Variants in ABTB3 observed in about 807,000 individuals in gnomAD.
ABTB3 encodes ankyrin repeat- and BTB/POZ domain-containing protein 3.
the ABTB3 span, among the ~76,000 whole-genome samples, chr12:107,353,863 A>C: frequency 6.6e-6 from 1 of 152,156 alleles, no homozygotes. Context: ...GAGGTGGAGC[A>C]GTTTCATCCT....
At chr12:107,437,899 A>G in the ABTB3 span, among the ~76,000 whole-genome samples, 1 of 152,000 alleles carries the variant, frequency 6.6e-6, no homozygotes, top group African/African-American at 2.4e-5. Flanking sequence ...TCAACCTATT[A>G]TAGTGGGTAT....
At chr12:107,330,307 G>T in the ABTB3 span, among the ~76,000 whole-genome samples, 3 of 152,164 alleles carry the variant, frequency 2.0e-5, no homozygotes, top group East Asian at 5.8e-4. Context: ...GTTCTAAAAA[G>T]ATCATGTTGG....
At chr12:107,473,696 C>T in the ABTB3 span, among the ~76,000 whole-genome samples, 2 of 152,066 alleles carry the variant, frequency 1.3e-5, no homozygotes, top group African/African-American at 4.8e-5. Context: ...TTTTGCTCGA[C>T]ATATTTGTTT....
the ABTB3 span, among the ~76,000 whole-genome samples, chr12:107,497,961 A>G: frequency 3.9e-5 from 6 of 152,096 alleles, no homozygotes; most frequent in African/African-American, 1.2e-4. Context: ...GAGGGCATTG[A>G]GTCTGAGGCA....
chr12:107,389,880 G>GTGTGTA, the ABTB3 span, among the ~76,000 whole-genome samples: 89 of 134,752 alleles, frequency 6.6e-4, no homozygotes, highest in African/African-American at 2.3e-3. Context: ...GTGTGTGTGT[G>GTGTGTA]TGTATGTATC....
chr12:107,320,192 TGAG>T, the ABTB3 span: 30 of 1,316,634 alleles, frequency 2.3e-5, no homozygotes, highest in Non-Finnish European at 2.9e-5. Flanking sequence ...CCCAAGCCGC[TGAG>T]GAGGCGGCCG....
At chr12:107,432,412 C>T in the ABTB3 span, among the ~76,000 whole-genome samples, 3 of 152,342 alleles carry the variant, frequency 2.0e-5, no homozygotes, top group Non-Finnish European at 2.9e-5. Context: ...TCAGCTCCTT[C>T]GAAGAAACCA....
chr12:107,657,923 G>A, the ABTB3 span: 4 of 604,144 alleles, frequency 6.6e-6, no homozygotes, highest in African/African-American at 7.4e-5. Context: ...AGTTTAATGG[G>A]CAACTGGACA....
the ABTB3 span, among the ~76,000 whole-genome samples, chr12:107,643,211 G>A: frequency 6.6e-6 from 1 of 151,936 alleles, no homozygotes; most frequent in African/African-American, 2.4e-5. Context: ...TTCTAGACCA[G>A]CCTGAGCAAC....
the ABTB3 span, among the ~76,000 whole-genome samples, chr12:107,469,894 C>CTTTCTTTCT: frequency 9.5e-6 from 1 of 104,964 alleles, no homozygotes; most frequent in Admixed American, 9.1e-5. Flanking sequence ...TTCTTTCTTT[C>CTTTCTTTCT]TTTCTTTCTT....
At chr12:107,597,881 GT>G in the ABTB3 span, among the ~76,000 whole-genome samples, 1 of 152,146 alleles carries the variant, frequency 6.6e-6, no homozygotes, top group Non-Finnish European at 1.5e-5. Flanking sequence ...GTCACCTTCT[GT>G]TTTTTAAATA....
At chr12:107,319,183 C>T in the ABTB3 span, 2 of 1,596,746 alleles carry the variant, frequency 1.3e-6, no homozygotes, top group East Asian at 2.2e-5. Context: ...AGGGGCTGGA[C>T]TGCGCCGGCC....
the ABTB3 span, among the ~76,000 whole-genome samples, chr12:107,488,934 G>A: frequency 6.6e-6 from 1 of 152,046 alleles, no homozygotes; most frequent in Non-Finnish European, 1.5e-5. Flanking sequence ...GAGAACTTAC[G>A]AAAGAAGCAA....
the ABTB3 span, among the ~76,000 whole-genome samples, chr12:107,572,705 T>G: frequency 2.0e-5 from 3 of 152,148 alleles, no homozygotes; most frequent in African/African-American, 7.2e-5. Context: ...GATAAATGAT[T>G]GAGCCAAGTC....
the ABTB3 span, among the ~76,000 whole-genome samples, chr12:107,550,165 G>A: frequency 6.6e-6 from 1 of 152,134 alleles, no homozygotes; most frequent in Non-Finnish European, 1.5e-5. Context: ...CAGGCTTTGA[G>A]GCTATATAAC....
the ABTB3 span, among the ~76,000 whole-genome samples, chr12:107,335,771 G>A: frequency 6.6e-6 from 1 of 152,154 alleles, no homozygotes; most frequent in African/African-American, 2.4e-5. Flanking sequence ...AGCTGAATGA[G>A]GCTAGGCGAG....
chr12:107,409,838 A>G, the ABTB3 span, among the ~76,000 whole-genome samples: 3 of 152,226 alleles, frequency 2.0e-5, no homozygotes, highest in African/African-American at 7.2e-5. Context: ...CGTTCTGTAC[A>G]TGTATCCCAG....
chr12:107,583,115 T>C, the ABTB3 span, among the ~76,000 whole-genome samples: 1 of 152,114 alleles, frequency 6.6e-6, no homozygotes, highest in African/African-American at 2.4e-5. Context: ...AGTTTTCCCA[T>C]GAGTAATGTG....
the ABTB3 span, among the ~76,000 whole-genome samples, chr12:107,350,002 G>A: frequency 1.3e-3 from 195 of 152,274 alleles, no homozygotes; most frequent in African/African-American, 4.3e-3. Context: ...TTGACAATGC[G>A]AGAGCACAAA....
Sources: allele counts gnomAD v4.1 joint callset (sites outside exome capture counted in the v4.1 genomes callset), GRCh38; gene constraint gnomAD v4.1.1; transcripts MANE v1.5; gene names NCBI Gene and HGNC (gene_info 2026-07-23, HGNC 2026-07-21).